The following TSC22D1 variants were observed in gnomAD, a reference collection of about 807,000 sequenced individuals.
TSC22D1 encodes the protein TSC22 domain family member 1, also known as TSC22 domain family protein 1.
A neutral mutation model predicts 74.2 loss-of-function variants in TSC22D1; 9 were observed. The ratio of observed to expected loss-of-function variants is 0.12; its 90% CI spans 0.07 to 0.21. The LOEUF (loss-of-function observed/expected upper bound fraction) is 0.21, where lower values mean the gene tolerates loss of function less well. TSC22D1 is among the 10% of genes least tolerant of loss of function. TSC22D1 has a pLI of 1.00. For missense variants in TSC22D1, 1,427 were observed against 1,304.7 expected (o/e 1.09, Z -1.44); for synonymous variants, 586 against 492.5 (o/e 1.19, Z -2.51).
At position 44,575,500 on chromosome 13, in the gene TSC22D1, T is replaced by C; in HGVS notation, c.575A>G (p.Asn192Ser). The C allele has an allele frequency of 6.2e-7, 1 of 1,614,140 alleles. No individual in the cohort carries two copies. The highest frequency in any genetic ancestry group is 8.5e-7 in the Non-Finnish European group (1 of 1,180,014). ...ATGAGGCTGAGGAAGGTGGGGCTGG[T>C]TGGGAGAGACTGCCCCAGGTGTCTC... ...EAETPGAVSPNQPHLPQPHLP... is the reference protein window; with the variant it reads ...EAETPGAVSPSQPHLPQPHLP... The change falls in exon 1 of 3, where the codon AAC becomes AGC. Residue 192 changes from asparagine to serine, a missense_variant. Asn to Ser is a conservative substitution (Grantham distance 46). Coordinates refer to ENST00000458659, the MANE Select transcript of TSC22D1 (RefSeq NM_183422.4).
chr13:44,526,446 C>G (rs1018017835), intron 1 of TSC22D1, among the ~76,000 whole-genome samples: 2 of 149,750 alleles, frequency 1.3e-5, no homozygotes, highest in Non-Finnish European at 3.0e-5. Flanking sequence ...CTCAAAGATA[C>G]GTCAATAAAA....
At chr13:44,495,290 C>T (rs941090256) in intron 1 of TSC22D1, among the ~76,000 whole-genome samples, 23 of 132,090 alleles carry the variant, frequency 1.7e-4, no homozygotes, top group African/African-American at 6.5e-4. Flanking sequence ...ATTTAAAATG[C>T]TAAGGAAAAA....
At position 44,434,450 on chromosome 13, in the gene TSC22D1, A is replaced by G; in HGVS notation, c.*176T>C. The G allele has an allele frequency of 7.4e-7, 1 of 1,360,026 alleles. No homozygotes were observed. Among genetic ancestry groups the G allele is most frequent in the South Asian group, 2.1e-5 (1 of 48,620 alleles). 84.2% of individuals were successfully genotyped at this position (1,360,026 alleles called of 1,614,324 possible). A position where few individuals can be genotyped will look rare whatever the true frequency, so the allele number is the denominator to read the frequency against. ...ATTCACCCAACTAAGAAATTTCTCCAAGCCATAAGCATATGAGTGTTTAAT... is the reference window on the plus strand; with the variant it reads ...ATTCACCCAACTAAGAAATTTCTCCGAGCCATAAGCATATGAGTGTTTAAT... On this transcript the variant is annotated 3_prime_UTR_variant, in exon 3 of 3. Transcript: ENST00000458659.
intron 1 of TSC22D1, among the ~76,000 whole-genome samples, chr13:44,541,480 G>A (rs1881464889): frequency 6.6e-6 from 1 of 152,124 alleles, no homozygotes. Context: ...AGAAGAAGGT[G>A]AAACTGCCAT....
chr13:44,444,004 A>C (rs1875409574), intron 1 of TSC22D1, among the ~76,000 whole-genome samples: 1 of 152,162 alleles, frequency 6.6e-6, no homozygotes, highest in South Asian at 2.1e-4. Flanking sequence ...TAATCACATT[A>C]GGCTGGGCGT....
chr13:44,502,778 AG>A (rs1284751985), intron 1 of TSC22D1, among the ~76,000 whole-genome samples: 5 of 152,238 alleles, frequency 3.3e-5, no homozygotes, highest in Non-Finnish European at 5.9e-5. Context: ...ATTCAAATCC[AG>A]GCTAGCTTCA....
chr13:44,564,786 C>G (rs1035779813), intron 1 of TSC22D1, among the ~76,000 whole-genome samples: 3 of 152,028 alleles, frequency 2.0e-5, no homozygotes, highest in Non-Finnish European at 4.4e-5. Context: ...GCAGGAGGCT[C>G]TGTGAGGAAG....
chr13:44,439,888 C>T (rs938475654), intron 1 of TSC22D1, among the ~76,000 whole-genome samples: 6 of 152,194 alleles, frequency 3.9e-5, no homozygotes, highest in Admixed American at 1.3e-4. Flanking sequence ...TGGCCAACAC[C>T]GGTACAGTTG....
chr13:44,446,388 T>C (rs1875644525), intron 1 of TSC22D1, among the ~76,000 whole-genome samples: 1 of 151,868 alleles, frequency 6.6e-6, no homozygotes, highest in Non-Finnish European at 1.5e-5. Flanking sequence ...TTATGGGTGA[T>C]GGAACTATCT....
chr13:44,545,206 ACGCCT>A (rs1438081148), intron 1 of TSC22D1, among the ~76,000 whole-genome samples: 1 of 152,002 alleles, frequency 6.6e-6, no homozygotes, highest in African/African-American at 2.4e-5. Flanking sequence ...GTGGTGGCAC[ACGCCT>A]GTAGTCCCAG....
chr13:44,482,543 CA>C (rs1878228299), intron 1 of TSC22D1, among the ~76,000 whole-genome samples: 1 of 151,912 alleles, frequency 6.6e-6, no homozygotes, highest in Non-Finnish European at 1.5e-5. Context: ...CATCTCAAAA[CA>C]AAACAAAACA....
chr13:44,455,167 A>G (rs1876477303), intron 1 of TSC22D1, among the ~76,000 whole-genome samples: 1 of 152,150 alleles, frequency 6.6e-6, no homozygotes, highest in Admixed American at 6.5e-5. Context: ...AAGATCAGAG[A>G]GGATGAAATT....
At chr13:44,498,446 TTC>T (rs1395498816) in intron 1 of TSC22D1, among the ~76,000 whole-genome samples, 1 of 152,202 alleles carries the variant, frequency 6.6e-6, no homozygotes, top group Non-Finnish European at 1.5e-5. Context: ...CAGTTTCCAA[TTC>T]TCTATTTTCA....
intron 1 of TSC22D1, among the ~76,000 whole-genome samples, chr13:44,465,025 T>A (rs953483552): frequency 5.9e-5 from 9 of 152,364 alleles, no homozygotes; most frequent in Non-Finnish European, 1.0e-4. Flanking sequence ...GTTACAATGC[T>A]GCACAAGTTT....
At chr13:44,525,996 C>G (rs9525973) in intron 1 of TSC22D1, among the ~76,000 whole-genome samples, 24,921 of 151,846 alleles carry the variant, frequency 0.16, 2,546 homozygotes, top group African/African-American at 0.29. Flanking sequence ...CAGCTCCTCA[C>G]GAGGCTGAGG....
At chr13:44,491,419 T>G (rs1456521154) in intron 1 of TSC22D1, among the ~76,000 whole-genome samples, 1 of 151,652 alleles carries the variant, frequency 6.6e-6, no homozygotes, top group African/African-American at 2.4e-5. Context: ...CTGGACGTAG[T>G]GGTAGGCACC....
Position 44,552,925 on chromosome 13 carries a change from T to C in TSC22D1, c.2912+20238A>G, listed in dbSNP as rs2065836. 4.7e-4 allele frequency among the ~76,000 whole-genome samples: 71 copies of C among 152,234 alleles called. 1 individual carries two copies. The highest frequency in any genetic ancestry group is 1.5e-3 in the African/African-American group (63 of 41,552). On this transcript the variant is annotated intron_variant, in intron 1 of 2. Transcript: ENST00000458659. ...ATGGCGTGAACCCGGAAGGCGAAGC[T>C]TGCAGTGAGCCGCGATCGTGCCACT...
intron 1 of TSC22D1, among the ~76,000 whole-genome samples, chr13:44,556,253 C>T (rs1363052676): frequency 6.6e-6 from 1 of 151,292 alleles, no homozygotes; most frequent in African/African-American, 2.4e-5. Flanking sequence ...ACCACCACCA[C>T]CATCTCTTGG....
chr13:44,527,480 A>G (rs9595143), intron 1 of TSC22D1, among the ~76,000 whole-genome samples: 2,554 of 152,268 alleles, frequency 0.017, 61 homozygotes, highest in African/African-American at 0.058. Flanking sequence ...TTCGTTGTAA[A>G]TGTACACTGC....
Sources: gnomAD v4.1 joint callset for allele counts (sites outside exome capture counted in the v4.1 genomes callset) on GRCh38, gnomAD v4.1.1 for gene constraint, MANE v1.5 for transcripts, NCBI Gene and HGNC (gene_info 2026-07-23, HGNC 2026-07-21) for gene names.